THNSL1: variants seen among roughly 807,000 people sequenced by gnomAD.
THNSL1 encodes the protein threonine synthase like 1.
Under a neutral mutation model 50.4 loss-of-function variants are expected in THNSL1, and 48 were observed. That is an observed-to-expected ratio of 0.95 (90% confidence interval 0.76 to 1.21). The LOEUF is 1.21. Ranked by LOEUF, THNSL1 falls within the 50% of genes most tolerant of loss-of-function variation. The probability of loss-of-function intolerance (pLI) is 0.00; values close to 1 mark genes in which losing one functional copy is unlikely to be tolerated. For synonymous variants in THNSL1, 309 were observed against 306.1 expected (o/e 1.01, Z -0.10); for missense variants, 896 against 871.7 (o/e 1.03, Z -0.35).
chr10:24,952,897 C>A, the THNSL1 span, among the ~76,000 whole-genome samples: 1 of 151,766 alleles, frequency 6.6e-6, no homozygotes, highest in Non-Finnish European at 1.5e-5. This position sits in a 1 kb window ranked among gnomAD's most constrained non-coding sequence, Gnocchi z 5.1. Flanking sequence ...GCCGGATGGT[C>A]GCGTGCAGCC....
the THNSL1 span, among the ~76,000 whole-genome samples, chr10:24,993,779 T>C: frequency 5.9e-5 from 9 of 152,252 alleles, no homozygotes; most frequent in Non-Finnish European, 1.5e-5. Context: ...CCATGATGGA[T>C]ACTCCAAATT....
chr10:24,977,722 ATG>A, the THNSL1 span, among the ~76,000 whole-genome samples: 7 of 152,308 alleles, frequency 4.6e-5, no homozygotes, highest in African/African-American at 1.4e-4. Flanking sequence ...GAATATACAT[ATG>A]TGTGTATGTA....
At chr10:25,015,997 C>A, upstream of THNSL1, 1 of 1,565,356 alleles carries the variant, frequency 6.4e-7, no homozygotes, top group Non-Finnish European at 8.6e-7. Flanking sequence ...GTCCCAGTAT[C>A]TCCGTCCCTT....
At chr10:25,015,233 T>A (rs892876050), upstream of THNSL1, among the ~76,000 whole-genome samples, 2 of 152,226 alleles carry the variant, frequency 1.3e-5, no homozygotes, top group African/African-American at 4.8e-5. Context: ...AAGACCTATG[T>A]AAAATTTCAA....
the THNSL1 span, among the ~76,000 whole-genome samples, chr10:24,977,405 A>G: frequency 6.6e-6 from 1 of 152,216 alleles, no homozygotes; most frequent in South Asian, 2.1e-4. Context: ...GGTCAGGTAT[A>G]TACATTACCT....
At chr10:24,967,823 ATATGATGTGTGTATGTCTG>A in the THNSL1 span, among the ~76,000 whole-genome samples, 1 of 151,020 alleles carries the variant, frequency 6.6e-6, no homozygotes, top group South Asian at 2.1e-4. Context: ...ATGTGCATGT[ATATGATGTGTGTATGTCTG>A]TATGATGTGT....
chr10:24,990,477 C>A, the THNSL1 span: 1 of 1,612,422 alleles, frequency 6.2e-7, no homozygotes, highest in Non-Finnish European at 8.5e-7. Context: ...AAAACTGCCT[C>A]CCTTTCTTCA....
chr10:24,985,056 C>T, the THNSL1 span: 1 of 685,932 alleles, frequency 1.5e-6, no homozygotes, highest in Non-Finnish European at 2.4e-6. Flanking sequence ...AGTACTTGGC[C>T]ACGGTAACCA....
chr10:25,006,389 T>C, the THNSL1 span, among the ~76,000 whole-genome samples: 1 of 152,170 alleles, frequency 6.6e-6, no homozygotes, highest in Non-Finnish European at 1.5e-5. Context: ...CGAGAACATT[T>C]GTGCTCCTCT....
chr10:24,972,363 C>T, the THNSL1 span, among the ~76,000 whole-genome samples: 39 of 151,730 alleles, frequency 2.6e-4, no homozygotes, highest in Admixed American at 7.9e-4. Flanking sequence ...CAAAAATTAG[C>T]CAGGTGTGGT....
At chr10:24,976,321 A>G in the THNSL1 span, among the ~76,000 whole-genome samples, 2 of 152,164 alleles carry the variant, frequency 1.3e-5, 1 homozygote, top group South Asian at 4.1e-4. Context: ...GAAAAATACA[A>G]TCAAGAAAGA....
At chr10:24,998,397 T>TG in the THNSL1 span, among the ~76,000 whole-genome samples, 1 of 141,574 alleles carries the variant, frequency 7.1e-6, no homozygotes, top group Non-Finnish European at 1.5e-5. Context: ...TTTTTTGAGA[T>TG]GGGGTCTCAC....
At chr10:24,976,027 T>G in the THNSL1 span, among the ~76,000 whole-genome samples, 1 of 152,212 alleles carries the variant, frequency 6.6e-6, no homozygotes, top group Non-Finnish European at 1.5e-5. Flanking sequence ...GCAAACCATT[T>G]GGTAAAATTG....
rs1406732917 is a variant in THNSL1 at position 25,021,781 on chromosome 10, A to T, written c.-176A>T. 2.6e-5 allele frequency: 4 copies of T among 152,202 alleles called. No individual in the cohort carries two copies. Among genetic ancestry groups the T allele is most frequent in the African/African-American group, 7.2e-5 (3 of 41,470 alleles). 9.4% of individuals were successfully genotyped at this position (152,202 alleles called of 1,614,324 possible). On this transcript the variant is annotated 5_prime_UTR_variant, in exon 2 of 3. Coordinates refer to ENST00000376356, the MANE Select transcript of THNSL1 (RefSeq NM_024838.5). ...AAAGATCGGTTTTGCCTCAGAGTCAACAAACTCTTCAGATTGGTTCCGGTG... is the reference window on the plus strand; with the variant it reads ...AAAGATCGGTTTTGCCTCAGAGTCATCAAACTCTTCAGATTGGTTCCGGTG...
At chr10:24,962,036 A>G in the THNSL1 span, among the ~76,000 whole-genome samples, 4 of 152,200 alleles carry the variant, frequency 2.6e-5, no homozygotes, top group Non-Finnish European at 4.4e-5. Flanking sequence ...CCAATATTAA[A>G]ATAGAATTAT....
the THNSL1 span, among the ~76,000 whole-genome samples, chr10:25,003,284 G>A: frequency 6.6e-6 from 1 of 152,070 alleles, no homozygotes; most frequent in African/African-American, 2.4e-5. Context: ...TTAGCTCACT[G>A]TAACCTCTGT....
the THNSL1 span, among the ~76,000 whole-genome samples, chr10:24,973,347 G>C: frequency 6.6e-6 from 1 of 151,920 alleles, no homozygotes; most frequent in East Asian, 1.9e-4. Context: ...AGATGGGCAG[G>C]GAGTGTAGAC....
At chr10:25,008,080 C>T in the THNSL1 span, among the ~76,000 whole-genome samples, 1 of 151,006 alleles carries the variant, frequency 6.6e-6, no homozygotes, top group African/African-American at 2.4e-5. Flanking sequence ...GAGAAGTAGT[C>T]TTGTGGGTCT....
the THNSL1 span, among the ~76,000 whole-genome samples, chr10:24,994,112 G>A: frequency 6.6e-6 from 1 of 152,202 alleles, no homozygotes; most frequent in African/African-American, 2.4e-5. Context: ...AGCCTTGAGG[G>A]TCCTGTTTTG....
Sources: allele counts gnomAD v4.1 joint callset (sites outside exome capture counted in the v4.1 genomes callset), GRCh38; gene constraint gnomAD v4.1.1; non-coding constraint Gnocchi (gnomAD v3.1); transcripts MANE v1.5; gene names NCBI Gene and HGNC (gene_info 2026-07-23, HGNC 2026-07-21).